SC5D: variants seen among roughly 807,000 people sequenced by gnomAD.
SC5D encodes lathosterol oxidase.
In SC5D, 21 loss-of-function variants were observed where a neutral mutation model predicts 23.9. The observed-to-expected ratio is 0.88, with a 90% confidence interval of 0.62 to 1.26. The LOEUF is 1.26. Among genes scored for constraint, SC5D ranks in the 50% most tolerant of loss-of-function variants. The pLI, the probability that SC5D is intolerant of heterozygous loss-of-function variation, is 0.00. For synonymous variants in SC5D, 113 were observed against 125.9 expected (o/e 0.90, Z 0.68); for missense variants, 309 against 364.8 (o/e 0.85, Z 1.25).
intron 3 of SC5D, chr11:121,305,119 G>A (rs1947954395): frequency 1.3e-5 from 2 of 151,622 alleles, no homozygotes; most frequent in Admixed American, 1.3e-4. Flanking sequence ...ACTCTTTTTT[G>A]TATTATAAAC....
In SC5D at chr11:121,307,218, T is replaced by C. The variant is rs201171011; in HGVS notation, c.606T>C (p.Asn202=). ...ATTTAAGTCTGTACATCTTGGTTAA[T>C]ATCTGGACAATTTCCATTCATGACG... ...VVYLSLYILV[N]IWTISIHDGD... Residue 202 remains asparagine (N), a synonymous_variant, in exon 5 of 5, where the codon AAT becomes AAC. Transcript: ENST00000264027. The C allele has an allele frequency of 2.7e-5, 44 of 1,614,226 alleles. No homozygotes were observed. In the East Asian group the frequency reaches 9.4e-4, roughly 34 times the overall value.
At position 121,303,564 on chromosome 11, in the gene SC5D, G is replaced by T. The variant is rs202105637; in HGVS notation, c.189G>T (p.Met63Ile). 4 of 1,611,880 alleles carry T rather than the reference G, an allele frequency of 2.5e-6. No homozygotes were observed. The highest frequency in any genetic ancestry group is 3.4e-6 in the Non-Finnish European group (4 of 1,178,256). Residue 63 changes from methionine (M) to isoleucine (I), a missense_variant, in exon 2 of 5, where the codon ATG becomes ATT. By Grantham distance (10) the Met-to-Ile change is conservative. Transcript: ENST00000264027. Reference sequence around the variant, plus strand: ...ATTTTGTCTTCGATCATGCATTAATGAAACATCCACAATTTTTAAAGGTAA... The same window carrying T: ...ATTTTGTCTTCGATCATGCATTAATTAAACATCCACAATTTTTAAAGGTAA... ...SYYFVFDHAL[M>I]KHPQFLKNQV...
In SC5D at chr11:121,307,674, T is replaced by A. The variant is rs111941010; in HGVS notation, c.*162T>A. On this transcript the variant is annotated 3_prime_UTR_variant, in exon 5 of 5. Coordinates refer to ENST00000264027, the MANE Select transcript of SC5D (RefSeq NM_006918.5). The stretch of plus-strand genomic sequence containing the variant: ...CACTGCTGAGGAATGATCCTAGTGG[T>A]AGGTCAGAAGAAGATGCTGTGAACA... 3 of 591,108 alleles carry A rather than the reference T, an allele frequency of 5.1e-6. No individual in the cohort carries two copies. The highest frequency in any genetic ancestry group is 3.7e-5 in the African/African-American group (2 of 53,846). 36.6% of individuals were successfully genotyped at this position (591,108 alleles called of 1,614,324 possible).
chr11:121,302,592 G>A (rs139350464), intron 1 of SC5D, among the ~76,000 whole-genome samples: 1 of 152,150 alleles, frequency 6.6e-6, no homozygotes, highest in Admixed American at 6.5e-5. Flanking sequence ...GGGCCATACT[G>A]TCTCTGTTGC....
In SC5D at chr11:121,304,508, C is replaced by A. The variant is rs369904250; in HGVS notation, c.343+15C>A. 4.0e-5 allele frequency: 65 copies of A among 1,611,422 alleles called. No individual in the cohort carries two copies. The African/African-American group carries it at 8.4e-4, about 21-fold the overall frequency. The stretch of plus-strand genomic sequence containing the variant: ...GTTTCCATATGGTAAGTAAATAACA[C>A]GAGTGTCAGGAAGAGAGTAGTCTAA... On this transcript the variant is annotated intron_variant, in intron 3 of 4. Coordinates refer to ENST00000264027, the MANE Select transcript of SC5D (RefSeq NM_006918.5).
chr11:121,298,248 C>T (rs1024058941), intron 1 of SC5D, among the ~76,000 whole-genome samples: 1 of 152,184 alleles, frequency 6.6e-6, no homozygotes, highest in African/African-American at 2.4e-5. Context: ...ATAAGCCTGC[C>T]TCCCAAAGCG....
intron 3 of SC5D, chr11:121,306,087 C>A: frequency 2.9e-6 from 1 of 339,816 alleles, no homozygotes; most frequent in South Asian, 3.1e-5. Flanking sequence ...GTGATGATTC[C>A]CAGAGATTTA....
At chr11:121,304,320 T>A in intron 2 of SC5D, 41 bp from the exon 3 acceptor site, 1 of 1,603,680 alleles carries the variant, frequency 6.2e-7, no homozygotes, top group East Asian at 2.2e-5. Flanking sequence ...TTGTTTAACA[T>A]GGATTTTGTG....
chr11:121,307,216 A>C lies in SC5D; in HGVS notation c.604A>C (p.Asn202His). The change falls in exon 5 of 5, where the codon AAT becomes CAT. Residue 202 changes from asparagine to histidine, a missense_variant. Coordinates refer to ENST00000264027, the MANE Select transcript of SC5D (RefSeq NM_006918.5). ...TTATTTAAGTCTGTACATCTTGGTT[A>C]ATATCTGGACAATTTCCATTCATGA... Reference protein sequence around the residue: ...VVYLSLYILVNIWTISIHDGD... With the variant: ...VVYLSLYILVHIWTISIHDGD... 6.2e-7 allele frequency: 1 copy of C among 1,614,154 alleles called. No homozygotes were observed. Among genetic ancestry groups the C allele is most frequent in the Non-Finnish European group, 8.5e-7 (1 of 1,180,016 alleles).
intron 1 of SC5D, among the ~76,000 whole-genome samples, chr11:121,303,144 G>C (rs1195400181): frequency 6.6e-6 from 1 of 152,076 alleles, no homozygotes; most frequent in African/African-American, 2.4e-5. Flanking sequence ...TTCTCTAACT[G>C]AGCTTTAGCA....
At chr11:121,302,613 T>A (rs1187095570) in intron 1 of SC5D, among the ~76,000 whole-genome samples, 4 of 152,188 alleles carry the variant, frequency 2.6e-5, no homozygotes, top group African/African-American at 9.7e-5. Context: ...AGTGATACTA[T>A]AAGCCCACCT....
At chr11:121,300,077 G>A (rs540470536) in intron 1 of SC5D, among the ~76,000 whole-genome samples, 1 of 152,226 alleles carries the variant, frequency 6.6e-6, no homozygotes, top group East Asian at 1.9e-4. Flanking sequence ...AAAGGAGATG[G>A]TGACTTCCAA....
chr11:121,300,965 G>T (rs572040779), intron 1 of SC5D, among the ~76,000 whole-genome samples: 1 of 152,190 alleles, frequency 6.6e-6, no homozygotes, highest in Non-Finnish European at 1.5e-5. Context: ...ATTACTTAAC[G>T]CACAGCAACA....
chr11:121,302,263 AT>A (rs1175473803), intron 1 of SC5D, among the ~76,000 whole-genome samples: 2 of 152,168 alleles, frequency 1.3e-5, no homozygotes, highest in Non-Finnish European at 2.9e-5. Flanking sequence ...CCTGAAATCT[AT>A]TGTGGGTAGG....
chr11:121,304,188 G>C (rs1947945582), intron 2 of SC5D, 173 bp from the exon 3 acceptor site: 1 of 603,544 alleles, frequency 1.7e-6, no homozygotes, highest in African/African-American at 1.9e-5. Flanking sequence ...AGTACAAAAG[G>C]AATGATTTTC....
chr11:121,304,831 T>G (rs933043430), intron 3 of SC5D: 1 of 277,488 alleles, frequency 3.6e-6, no homozygotes, highest in Non-Finnish European at 7.0e-6. Flanking sequence ...TAAAAACAGA[T>G]TTTTAAAATG....
intron 2 of SC5D, 91 bp downstream of exon 2, chr11:121,303,676 G>A: frequency 1.9e-6 from 2 of 1,079,238 alleles, no homozygotes; most frequent in Non-Finnish European, 2.7e-6. Context: ...CTGATTATAT[G>A]TAACCATTAA....
intron 1 of SC5D, among the ~76,000 whole-genome samples, chr11:121,298,792 T>A (rs933240619): frequency 3.5e-4 from 53 of 152,172 alleles, no homozygotes; most frequent in African/African-American, 1.3e-3. Flanking sequence ...CTGGATGCAG[T>A]CAGGCTGAGT....
chr11:121,298,764 T>C (rs1331006983), intron 1 of SC5D, among the ~76,000 whole-genome samples: 6 of 152,116 alleles, frequency 3.9e-5, no homozygotes, highest in African/African-American at 9.7e-5. Flanking sequence ...GTGTGAGCAA[T>C]AAAGCTTTTT....
Sources: gnomAD v4.1 joint callset for allele counts (sites outside exome capture counted in the v4.1 genomes callset) on GRCh38, gnomAD v4.1.1 for gene constraint, MANE v1.5 for transcripts, NCBI Gene and HGNC (gene_info 2026-07-23, HGNC 2026-07-21) for gene names.